The following TAF6 variants were observed in gnomAD, a reference collection of about 807,000 sequenced individuals.
TAF6 encodes TATA-box binding protein associated factor 6, also known as transcription initiation factor TFIID subunit 6.
TAF6 carries 50 observed loss-of-function variants against 73.5 expected under a neutral mutation model. The observed-to-expected ratio is 0.68, with a 90% CI of 0.54 to 0.86. The LOEUF (loss-of-function observed/expected upper bound fraction) is 0.86, where lower values mean the gene tolerates loss of function less well. TAF6 is among the 40% of genes least tolerant of loss of function. TAF6 has a pLI of 0.00. For missense variants in TAF6, 768 were observed against 899.5 expected (o/e 0.85, Z 1.87); for synonymous variants, 424 against 376.7 (o/e 1.13, Z -1.45).
At chr7:100,122,390 G>A, upstream of TAF6, 2 of 1,614,104 alleles carry the variant, frequency 1.2e-6, no homozygotes, top group African/African-American at 2.7e-5. Context: ...CGTTTCGTGA[G>A]TCCTTCGTGC....
rs143161506 is a variant in TAF6 at position 100,119,032 on chromosome 7, C to T, written c.-60+172G>A. On this transcript the variant is annotated intron_variant, in intron 1 of 14. Coordinates refer to ENST00000453269, the MANE Select transcript of TAF6 (RefSeq NM_139315.3). ...GATCTCCTCAGATCAGTGGAGGCGG[C>T]AGGAAGGCGTCCCAGGGAAGGGTTA... 131 of 985,764 alleles carry T rather than the reference C, an allele frequency of 1.3e-4. No homozygotes were observed. The African/African-American group carries it at 2.2e-3, about 17-fold the overall frequency. 61.1% of individuals were successfully genotyped at this position (985,764 alleles called of 1,614,324 possible).
At chr7:100,113,320 A>T in intron 5 of TAF6, 29 bp downstream of exon 5, 1 of 1,548,196 alleles carries the variant, frequency 6.5e-7, no homozygotes, top group Non-Finnish European at 8.7e-7. Context: ...AGGGACCCAG[A>T]GACCCAGAGG....
At position 100,107,296 on chromosome 7, in the gene TAF6, TTGGA is replaced by T; in HGVS notation, c.1980_1983del (p.Pro661LysfsTer43). 6.6e-7 allele frequency: 1 copy of T among 1,524,682 alleles called. No individual in the cohort carries two copies. Among genetic ancestry groups the T allele is most frequent in the Non-Finnish European group, 8.8e-7 (1 of 1,138,324 alleles). 94.4% of individuals were successfully genotyped at this position (1,524,682 alleles called of 1,614,324 possible). On this transcript the variant is annotated frameshift_variant, in exon 15 of 15. Transcript: ENST00000453269. LOFTEE classifies it high-confidence loss of function. Reference sequence around the variant, plus strand: ...GAGTTGGGCTGGGAGCCATTGGCTTTTGGAGTCCCTGGAGCTGGAGGGGGACTGT... The same window carrying T: ...GAGTTGGGCTGGGAGCCATTGGCTTTGTCCCTGGAGCTGGAGGGGGACTGT...
At chr7:100,109,340 A>C (rs1300113719) in intron 12 of TAF6, among the ~76,000 whole-genome samples, 1 of 151,826 alleles carries the variant, frequency 6.6e-6, no homozygotes, top group Non-Finnish European at 1.5e-5. Context: ...AAAAAAAAGA[A>C]AAGAAAAAGA....
At chr7:100,118,000 C>T (rs1369020765) in intron 1 of TAF6, among the ~76,000 whole-genome samples, 2 of 149,254 alleles carry the variant, frequency 1.3e-5, no homozygotes, top group Admixed American at 6.8e-5. Context: ...GAGCCGAGAT[C>T]GCACCACTGC....
chr7:100,112,360 C>T (rs931095973), intron 6 of TAF6, 107 bp from the exon 7 acceptor site: 2 of 1,443,358 alleles, frequency 1.4e-6, no homozygotes, highest in Admixed American at 2.5e-5. Flanking sequence ...GACCTGGCTT[C>T]TTCTTAGGCT....
chr7:100,121,734 C>T (rs1424448246), upstream of TAF6, among the ~76,000 whole-genome samples: 3 of 151,712 alleles, frequency 2.0e-5, no homozygotes, highest in Non-Finnish European at 4.4e-5. Flanking sequence ...GCCACCACTC[C>T]TGGCCTATTA....
intron 12 of TAF6, 133 bp from the exon 13 acceptor site, chr7:100,108,673 C>A: frequency 1.0e-6 from 1 of 964,518 alleles, no homozygotes; most frequent in South Asian, 1.7e-5. Context: ...TCTCAGTGCC[C>A]CTGTTGAAGG....
intron 1 of TAF6, among the ~76,000 whole-genome samples, chr7:100,117,567 C>T (rs1233803818): frequency 2.0e-5 from 3 of 151,182 alleles, no homozygotes; most frequent in Non-Finnish European, 2.9e-5. Flanking sequence ...CCACTGTGCC[C>T]GGCCGACAGA....
chr7:100,121,923 GC>G (rs1323381455), upstream of TAF6: 1 of 223,574 alleles, frequency 4.5e-6, no homozygotes, highest in African/African-American at 2.4e-5. Context: ...GGTGGTGGGT[GC>G]CTGTAGTCCC....
the TAF6 span, among the ~76,000 whole-genome samples, chr7:100,126,322 A>T: frequency 1.3e-5 from 2 of 152,166 alleles, no homozygotes; most frequent in African/African-American, 4.8e-5. Context: ...AGCCTGGGCG[A>T]CAGAACAAGA....
In TAF6 at chr7:100,110,055, G is replaced by C. The variant is rs878877015; in HGVS notation, c.1177C>G (p.Leu393Val). The C allele has an allele frequency of 1.9e-6, 3 of 1,614,106 alleles. No homozygotes were observed. Among genetic ancestry groups the C allele is most frequent in the South Asian group, 1.1e-5 (1 of 91,080 alleles). Reference protein sequence around the residue: ...LGHDVIKTLILPRLQQEGERI... With the variant: ...LGHDVIKTLIVPRLQQEGERI... ...TCCCCTTCCTGCTGCAGCCGGGGCA[G>C]AATCAGAGTCTTGATAACCTGTTAG... Residue 393 changes from leucine (L) to valine (V), a missense_variant, in exon 12 of 15, where the codon CTG (leucine) becomes GTG (valine). Coordinates refer to ENST00000453269, the MANE Select transcript of TAF6 (RefSeq NM_139315.3).
In TAF6 at chr7:100,113,643, G is replaced by A; in HGVS notation, c.370C>T (p.Arg124Trp). 4 of 1,614,042 alleles carry A rather than the reference G, an allele frequency of 2.5e-6. No homozygotes were observed. The highest frequency in any genetic ancestry group is 1.3e-5 in the African/African-American group (1 of 74,994). Residue 124 changes from arginine to tryptophan, a missense_variant, in exon 4 of 15, where the codon CGG becomes TGG. Coordinates refer to ENST00000453269, the MANE Select transcript of TAF6 (RefSeq NM_139315.3). ...LSDIINTPLP[R>W]VPLDVCLKAH... ...TTGAGGCAGACGTCCAGGGGCACCC[G>A]GGGCAGAGGGGTATTGATGATGTCG...
chr7:100,111,981 C>T lies in TAF6; in HGVS notation c.739G>A (p.Ala247Thr). The T allele has an allele frequency of 6.2e-7, 1 of 1,613,738 alleles. No individual in the cohort carries two copies. Among genetic ancestry groups the T allele is most frequent in the Non-Finnish European group, 8.5e-7 (1 of 1,179,898 alleles). ...ATCTGATACAGTCCAGGGTCCGTGGCAATGCTTTGCAGGGCTTCCTGTGGG... is the reference window on the plus strand; with the variant it reads ...ATCTGATACAGTCCAGGGTCCGTGGTAATGCTTTGCAGGGCTTCCTGTGGG... ...AKRAEALQSIATDPGLYQMLP... is the reference protein window; with the variant it reads ...AKRAEALQSITTDPGLYQMLP... The change falls in exon 8 of 15, where the codon GCC (alanine) becomes ACC (threonine). Residue 247 changes from alanine to threonine, a missense_variant. Transcript: ENST00000453269.
rs1045601165 is a variant in TAF6, at chr7:100,119,308, G to A, written c.-164C>T. The A allele has an allele frequency of 4.9e-6, 5 of 1,024,986 alleles. No homozygotes were observed. The highest frequency in any genetic ancestry group is 5.9e-6 in the Non-Finnish European group (5 of 852,018). The allele number at this position is 1,024,986 out of a possible 1,614,324, so 63.5% of individuals were successfully genotyped here. A position where few individuals can be genotyped will look rare whatever the true frequency, so the allele number is the denominator to read the frequency against. On this transcript the variant is annotated 5_prime_UTR_variant, in exon 1 of 15. Transcript: ENST00000453269. ...GCGCGGGGAGCAGGAAAACTCTAGC[G>A]GCAGCCGAGACGCTGCTCACCCGGC... is the stretch of plus-strand genomic sequence containing the variant.
chr7:100,122,848 G>A, upstream of TAF6: 5 of 1,613,796 alleles, frequency 3.1e-6, no homozygotes, highest in Non-Finnish European at 4.2e-6. Flanking sequence ...GTGGATCTGG[G>A]GATCCCTCTG....
At chr7:100,111,083 C>A in intron 10 of TAF6, 56 bp downstream of exon 10, 1 of 1,581,658 alleles carries the variant, frequency 6.3e-7, no homozygotes, top group Non-Finnish European at 8.6e-7. Context: ...TGTGACTTCC[C>A]CCAACCAGAG....
intron 6 of TAF6, 44 bp from the exon 7 acceptor site, chr7:100,112,297 G>A: frequency 6.3e-7 from 1 of 1,593,684 alleles, no homozygotes; most frequent in Non-Finnish European, 8.5e-7. Flanking sequence ...AGCTCCAGAA[G>A]AAACCTCAGT....
At chr7:100,121,150 T>C (rs1798053091), upstream of TAF6, 1 of 95,990 alleles carries the variant, frequency 1.0e-5, no homozygotes, top group African/African-American at 3.5e-5. Flanking sequence ...TTTTTTTTTT[T>C]CTCTTTTCAG....
Sources: allele counts gnomAD v4.1 joint callset (sites outside exome capture counted in the v4.1 genomes callset), GRCh38; gene constraint gnomAD v4.1.1; transcripts MANE v1.5; gene names NCBI Gene and HGNC (gene_info 2026-07-23, HGNC 2026-07-21).